CEP290: variants seen among roughly 807,000 people sequenced by gnomAD.
The protein encoded by CEP290 is centrosomal protein 290.
A neutral mutation model predicts 344.9 loss-of-function variants in CEP290; 317 were observed. The ratio of observed to expected loss-of-function variants is 0.92; its 90% CI spans 0.84 to 1.01. The LOEUF (loss-of-function observed/expected upper bound fraction) is 1.01, where lower values mean the gene tolerates loss of function less well. CEP290 is among the 50% of genes least tolerant of loss of function. CEP290 has a pLI of 0.00. For missense variants in CEP290, 2,754 were observed against 2,761.4 expected (o/e 1.00, Z 0.06); for synonymous variants, 932 against 895.8 (o/e 1.04, Z -0.72).
Position 88,129,889 on chromosome 12 carries a change from A to C in CEP290, c.670-13T>G. Reference sequence around the variant, plus strand: ...CTTCTGTTAAAGTCTAAAAAAGTTAAAGACACTATAATTAAAAAGTAATTT... The same window carrying C: ...CTTCTGTTAAAGTCTAAAAAAGTTACAGACACTATAATTAAAAAGTAATTT... On this transcript the variant is annotated splice_polypyrimidine_tract_variant and intron_variant, in intron 9 of 53. Transcript: ENST00000552810. The C allele has an allele frequency of 7.3e-7, 1 of 1,375,382 alleles. No homozygotes were observed. Among genetic ancestry groups the C allele is most frequent in the Non-Finnish European group, 9.6e-7 (1 of 1,038,300 alleles). The allele number at this position is 1,375,382 out of a possible 1,614,324, so 85.2% of individuals were successfully genotyped here. A position where few individuals can be genotyped will look rare whatever the true frequency, so the allele number is the denominator to read the frequency against.
chr12:88,092,880 G>A, intron 28 of CEP290, 48 bp from the exon 29 acceptor site: 1 of 1,564,654 alleles, frequency 6.4e-7, no homozygotes, highest in Non-Finnish European at 8.7e-7. Flanking sequence ...TTTTTGGTGA[G>A]GTTTTCTTTG....
chr12:88,078,986 A>C (rs1438648019), intron 39 of CEP290, 106 bp downstream of exon 39: 1 of 923,660 alleles, frequency 1.1e-6, no homozygotes, highest in Non-Finnish European at 1.5e-6. Context: ...CCAACAGTGC[A>C]TTATAAATTC....
chr12:88,089,983 C>G (rs2036902554), intron 30 of CEP290, among the ~76,000 whole-genome samples: 1 of 152,092 alleles, frequency 6.6e-6, no homozygotes, highest in Non-Finnish European at 1.5e-5. Flanking sequence ...CCTCGGCCTC[C>G]CAGAGTGCTG....
In CEP290 at chr12:88,080,302, CTG is replaced by C. The variant is rs766259648; in HGVS notation, c.5104_5105del (p.Gln1702ValfsTer5). 1.2e-6 allele frequency: 2 copies of C among 1,613,690 alleles called. No homozygotes were observed. Among genetic ancestry groups the C allele is most frequent in the African/African-American group, 1.3e-5 (1 of 74,934 alleles). On this transcript the variant is annotated frameshift_variant, in exon 38 of 54. Coordinates refer to ENST00000552810, the MANE Select transcript of CEP290 (RefSeq NM_025114.4). LOFTEE classifies it high-confidence loss of function. Reference protein sequence around the residue: ...YLLDQSQKESQCLKSELQAQK... With the variant: ...YLLDQSQKESXCLKSELQAQK... ...GAGCCTGAAGTTCAGATTTTAAACA[CTG>C]TGACTCCTTTTGTGACTGGTCCAGA...
Position 88,083,961 on chromosome 12 carries a change from T to C in CEP290, c.4705-7A>G, listed in dbSNP as rs1367159797. ...TCACAATTTCTCTTTGCTCCTGTTT[T>C]ACAGAAAATCGAAACTATATCTTAA... On this transcript the variant is annotated splice_polypyrimidine_tract_variant and splice_region_variant and intron_variant, in intron 35 of 53. Transcript: ENST00000552810. 6.5e-7 allele frequency: 1 copy of C among 1,546,150 alleles called. No homozygotes were observed. Among genetic ancestry groups the C allele is most frequent in the Non-Finnish European group, 8.8e-7 (1 of 1,132,488 alleles).
chr12:88,098,582 A>G (rs2037634377), intron 26 of CEP290, among the ~76,000 whole-genome samples: 1 of 152,080 alleles, frequency 6.6e-6, no homozygotes, highest in Non-Finnish European at 1.5e-5. Flanking sequence ...ACTGCACTCG[A>G]GCCTGGGCAA....
rs1271052660 is a variant in CEP290 at position 88,086,494 on chromosome 12, T to C, written c.4199A>G (p.His1400Arg). ...ATCCCAGGCCATTTGTCTTTCTTCATGAAACTAAAAAAAGGACAATTTGTG... is the reference window on the plus strand; with the variant it reads ...ATCCCAGGCCATTTGTCTTTCTTCACGAAACTAAAAAAAGGACAATTTGTG... The part of the protein sequence containing the change: ...EEEIVQQNKF[H>R]EERQMAWDQR... Residue 1400 changes from histidine to arginine, a missense_variant, in exon 33 of 54, where the codon CAT becomes CGT. Transcript: ENST00000552810. 2.5e-6 allele frequency: 4 copies of C among 1,585,946 alleles called. No individual in the cohort carries two copies. The African/African-American group carries it at 5.4e-5, about 21-fold the overall frequency.
chr12:88,080,369 ACTTCAT>A lies in CEP290; in HGVS notation c.5033_5038del (p.Asp1678_Glu1679del), dbSNP rs2036111144. On this transcript the variant is annotated inframe_deletion, in exon 38 of 54. Coordinates refer to ENST00000552810, the MANE Select transcript of CEP290 (RefSeq NM_025114.4). Reference sequence around the variant, plus strand: ...CTCTACTTCCGCTTTTACTTTTTTCACTTCATCTTCATGGTTTTCTTGAAGCCTGAT... The same window carrying A: ...CTCTACTTCCGCTTTTACTTTTTTCACTTCATGGTTTTCTTGAAGCCTGAT... 1 of 1,612,512 alleles carries A rather than the reference ACTTCAT, an allele frequency of 6.2e-7. No individual in the cohort carries two copies. Among genetic ancestry groups the A allele is most frequent in the African/African-American group, 1.3e-5 (1 of 74,842 alleles).
Position 88,118,545 on chromosome 12 carries a change from A to G in CEP290, c.1649T>C (p.Leu550Pro). Residue 550 changes from leucine to proline, a missense_variant, in exon 17 of 54, where the codon CTT (leucine) becomes CCT (proline). Transcript: ENST00000552810. ...TTGACGAATTTTTTTTTTCAGATCA[A>G]GTCGTTCTTCCTCTAGACTTTCAAT... The part of the protein sequence containing the change: ...KEIESLEEER[L>P]DLKKKIRQMA... 6.3e-7 allele frequency: 1 copy of G among 1,586,132 alleles called. No homozygotes were observed. Among genetic ancestry groups the G allele is most frequent in the Non-Finnish European group, 8.6e-7 (1 of 1,164,286 alleles).
Position 88,139,613 on chromosome 12 carries a change from A to AACAC in CEP290, c.181-50_181-49insGTGT, listed in dbSNP as rs750171287. 16 of 1,300,470 alleles carry AACAC rather than the reference A, an allele frequency of 1.2e-5. No homozygotes were observed. In the South Asian group the frequency reaches 3.4e-4, roughly 27 times the overall value. The allele number at this position is 1,300,470 out of a possible 1,614,324, so 80.6% of individuals were successfully genotyped here. ...TCAATATGCCTTTATACTGGAATGT[A>AACAC]AGCACTGAAAATAAAAATTCTGTTT... On this transcript the variant is annotated intron_variant, in intron 3 of 53. Coordinates refer to ENST00000552810, the MANE Select transcript of CEP290 (RefSeq NM_025114.4).
chr12:88,070,635 C>T (rs535027754), intron 43 of CEP290, among the ~76,000 whole-genome samples: 147 of 152,156 alleles, frequency 9.7e-4, no homozygotes, highest in African/African-American at 3.5e-3. Context: ...AGGTAAAAGT[C>T]GTTTTTTTCT....
rs2040519662 is a variant in CEP290 at position 88,139,495 on chromosome 12, C to T, written c.250G>A (p.Glu84Lys). ...AATAAACTTTTTCCAAGGTGCTTAC[C>T]AAATTTTGCTTGTTCTTCTCCAGCT... ...EKAGEEQAKF[E>K]NQLKTKVMKL... The change falls in exon 4 of 54, where the codon GAA becomes AAA. Residue 84 changes from glutamate (E) to lysine (K), a missense_variant and splice_region_variant. Transcript: ENST00000552810. 2 of 1,589,986 alleles carry T rather than the reference C, an allele frequency of 1.3e-6. No homozygotes were observed. Among genetic ancestry groups the T allele is most frequent in the Admixed American group, 1.7e-5 (1 of 57,606 alleles).
rs1592676889 is a variant in CEP290 at position 88,131,263 on chromosome 12, C to T, written c.442-45G>A. ...AAATAAATAAGAAGAAGATAAAATTCAGCAGTAATTTTTTTTTTTTTTGAG... is the reference window on the plus strand; with the variant it reads ...AAATAAATAAGAAGAAGATAAAATTTAGCAGTAATTTTTTTTTTTTTTGAG... On this transcript the variant is annotated intron_variant, in intron 6 of 53. Coordinates refer to ENST00000552810, the MANE Select transcript of CEP290 (RefSeq NM_025114.4). 3 of 1,353,454 alleles carry T rather than the reference C, an allele frequency of 2.2e-6. No individual in the cohort carries two copies. The East Asian group carries it at 8.8e-5, about 40-fold the overall frequency. 83.8% of individuals were successfully genotyped at this position (1,353,454 alleles called of 1,614,324 possible). A position where few individuals can be genotyped will look rare whatever the true frequency, so the allele number is the denominator to read the frequency against.
intron 20 of CEP290, among the ~76,000 whole-genome samples, 191 bp from the exon 21 acceptor site, chr12:88,112,049 A>G (rs529067743): frequency 2.0e-5 from 3 of 152,260 alleles, no homozygotes; most frequent in South Asian, 4.1e-4. Flanking sequence ...TACCAAGCAT[A>G]GTAATTACTT....
chr12:88,086,008 C>T (rs1316037326), intron 34 of CEP290, 31 bp downstream of exon 34: 4 of 1,580,926 alleles, frequency 2.5e-6, no homozygotes, highest in Non-Finnish European at 3.4e-6. Flanking sequence ...CCAAATAATA[C>T]ACTAATCAAA....
At chr12:88,078,997 C>A in intron 39 of CEP290, 95 bp downstream of exon 39, 1 of 1,067,078 alleles carries the variant, frequency 9.4e-7, no homozygotes, top group Non-Finnish European at 1.3e-6. Context: ...TTATAAATTC[C>A]CTATTCATCA....
rs372190684 is a variant in CEP290 at position 88,092,700 on chromosome 12, G to C, written c.3442C>G (p.Leu1148Val). The C allele has an allele frequency of 1.1e-4, 178 of 1,608,722 alleles. No individual in the cohort carries two copies. The highest frequency in any genetic ancestry group is 5.6e-5 in the Non-Finnish European group (66 of 1,177,984). The change falls in exon 29 of 54, where the codon CTA becomes GTA. Residue 1148 changes from leucine (L) to valine (V), a missense_variant. Transcript: ENST00000552810. ...ACTTACTTTGACACTTCAACTTTTA[G>C]TTCCATTTCATTCTTCTCTAATTCT... ...ILELEKNEME[L>V]KVEVSKLREI...
At chr12:88,076,468 T>C (rs1328738017) in intron 41 of CEP290, among the ~76,000 whole-genome samples, 1 of 152,092 alleles carries the variant, frequency 6.6e-6, no homozygotes, top group Non-Finnish European at 1.5e-5. Flanking sequence ...AGCTCCTCCA[T>C]ACTGATTTTC....
At chr12:88,109,385 T>C (rs1188301465) in intron 22 of CEP290, among the ~76,000 whole-genome samples, 1 of 152,194 alleles carries the variant, frequency 6.6e-6, no homozygotes, top group African/African-American at 2.4e-5. Context: ...CAGGTAAAGT[T>C]ATTTTTAGCA....
Sources: gnomAD v4.1 joint callset for allele counts (sites outside exome capture counted in the v4.1 genomes callset) on GRCh38, gnomAD v4.1.1 for gene constraint, MANE v1.5 for transcripts, NCBI Gene and HGNC (gene_info 2026-07-23, HGNC 2026-07-21) for gene names.